The following PCDHA2 variants were observed in gnomAD, a reference collection of about 807,000 sequenced individuals.
The protein encoded by PCDHA2 is protocadherin alpha 2.
In PCDHA2, 58 loss-of-function variants were observed where a neutral mutation model predicts 66.0. That is an observed-to-expected ratio of 0.88 (90% CI 0.71 to 1.09). The LOEUF (loss-of-function observed/expected upper bound fraction) is 1.09. PCDHA2 is among the 50% of genes least tolerant of loss of function. The pLI is 0.00. For missense variants in PCDHA2, 1,267 were observed against 1,242.3 expected, an observed-to-expected ratio of 1.02 and a Z score of -0.30; for synonymous variants, 634 against 554.0, an observed-to-expected ratio of 1.14 and a Z score of -2.03.
rs2150179482 is a variant in PCDHA2, at chr5:140,830,012, G to T, written c.2388+32660G>T. 5.0e-6 allele frequency: 8 copies of T among 1,613,802 alleles called. No individual in the cohort carries two copies. In the Admixed American group the frequency reaches 1.0e-4, roughly 20 times the overall value. ...CACCACTCGTGTCCTGGACGAAGCG[G>T]ACTCTCCGCGCCACCGGCTGCTGGT... On this transcript the variant is annotated intron_variant, in intron 1 of 3. Coordinates refer to ENST00000526136, the MANE Select transcript of PCDHA2 (RefSeq NM_018905.3).
chr5:140,807,343 G>A, intron 1 of PCDHA2: 1 of 1,613,188 alleles, frequency 6.2e-7, no homozygotes, highest in Non-Finnish European at 8.5e-7. Context: ...CGCAGGACCT[G>A]GGACTGGAGC....
chr5:140,837,386 T>C (rs1207161935), intron 1 of PCDHA2, among the ~76,000 whole-genome samples: 1 of 152,036 alleles, frequency 6.6e-6, no homozygotes, highest in Non-Finnish European at 1.5e-5. Context: ...ATTTTGTTCC[T>C]TGTTTGTATA....
Position 140,843,518 on chromosome 5 carries a change from C to G in PCDHA2, c.2388+46166C>G, listed in dbSNP as rs2150361647. On this transcript the variant is annotated intron_variant, in intron 1 of 3. Transcript: ENST00000526136. ...AGCACTGCCCACTGAGGGCGGGTGC[C>G]GGGCGGGCAAGCCCACTCTGGTGTG... 99 of 1,595,534 alleles carry G rather than the reference C, an allele frequency of 6.2e-5. 6 individuals are homozygous for G. The highest frequency in any genetic ancestry group is 1.7e-4 in the Middle Eastern group (1 of 5,992).
At position 140,850,397 on chromosome 5, in the gene PCDHA2, G is replaced by C. The variant is rs143469399; in HGVS notation, c.2388+53045G>C. ...TGTACACGGGCGAGATCAGCACAAC[G>C]CGTGCCCTGGACGAAACGGACGCAC... On this transcript the variant is annotated intron_variant, in intron 1 of 3. Transcript: ENST00000526136. 45 of 1,597,958 alleles carry C rather than the reference G, an allele frequency of 2.8e-5. 5 individuals are homozygous for C. In the African/African-American group the frequency reaches 5.4e-4, roughly 19 times the overall value.
Position 140,795,953 on chromosome 5 carries a change from T to C in PCDHA2, c.989T>C (p.Met330Thr). ...VTATDKGTPS[M>T]SGHCKISLKL... ...GCAACTGACAAAGGAACCCCTTCAA[T>C]GTCAGGACATTGTAAAATTTCATTA... The change falls in exon 1 of 4, where the codon ATG (methionine) becomes ACG (threonine). Residue 330 changes from methionine to threonine, a missense_variant. Met to Thr is a moderately conservative substitution (Grantham distance 81). Transcript: ENST00000526136. 1 of 1,614,144 alleles carries C rather than the reference T, an allele frequency of 6.2e-7. No homozygotes were observed. Among genetic ancestry groups the C allele is most frequent in the South Asian group, 1.1e-5 (1 of 91,080 alleles).
At chr5:140,884,063 G>T in intron 1 of PCDHA2, 1 of 1,613,496 alleles carries the variant, frequency 6.2e-7, no homozygotes, top group Non-Finnish European at 8.5e-7. Context: ...CGCGGTGGAC[G>T]CCGATTCGGG....
At chr5:140,871,140 C>T (rs939950931) in intron 1 of PCDHA2, 2 of 1,613,336 alleles carry the variant, frequency 1.2e-6, no homozygotes, top group Non-Finnish European at 8.5e-7. Context: ...AGGCCTCTTC[C>T]CGGACTTTGG....
At chr5:140,895,115 T>C (rs2064854715) in intron 1 of PCDHA2, among the ~76,000 whole-genome samples, 1 of 152,182 alleles carries the variant, frequency 6.6e-6, no homozygotes, top group Non-Finnish European at 1.5e-5. Flanking sequence ...CAAGAAGACA[T>C]TTGTTAGTTG....
intron 1 of PCDHA2, chr5:140,834,789 A>T: frequency 6.2e-7 from 1 of 1,613,702 alleles, no homozygotes; most frequent in Non-Finnish European, 8.5e-7. Flanking sequence ...GTTCCCAGCG[A>T]CACAAAGGAA....
intron 1 of PCDHA2, among the ~76,000 whole-genome samples, chr5:140,942,273 G>C (rs1360564646): frequency 6.6e-6 from 1 of 152,132 alleles, no homozygotes; most frequent in South Asian, 2.1e-4. Context: ...AGCTGGTAAT[G>C]GTGGCTCATG....
intron 1 of PCDHA2, among the ~76,000 whole-genome samples, chr5:140,906,546 G>A (rs1261080393): frequency 2.0e-5 from 3 of 152,222 alleles, no homozygotes; most frequent in Non-Finnish European, 4.4e-5. Context: ...CCTCATTTCT[G>A]CAACTGGTTG....
chr5:140,920,485 A>G (rs1366888817), intron 1 of PCDHA2, among the ~76,000 whole-genome samples: 3 of 152,164 alleles, frequency 2.0e-5, no homozygotes, highest in Admixed American at 6.5e-5. Context: ...TTTTTGGTCC[A>G]ACAATAGAGT....
chr5:140,966,690 G>T, intron 1 of PCDHA2: 1 of 1,349,568 alleles, frequency 7.4e-7, no homozygotes, highest in Non-Finnish European at 9.5e-7. Context: ...AGCGGAGGCG[G>T]GGCCCGGGCG....
intron 1 of PCDHA2, chr5:140,969,344 T>G: frequency 6.2e-7 from 1 of 1,613,664 alleles, no homozygotes; most frequent in Non-Finnish European, 8.5e-7. Context: ...GAGACAGTGG[T>G]CAGGGGGTCT....
intron 1 of PCDHA2, among the ~76,000 whole-genome samples, chr5:140,819,460 C>A (rs898793780): frequency 6.6e-6 from 1 of 152,056 alleles, no homozygotes; most frequent in Non-Finnish European, 1.5e-5. Context: ...CAAGGAAGAA[C>A]TTCTGTTTAC....
chr5:140,925,503 C>T (rs1210013790), intron 1 of PCDHA2, among the ~76,000 whole-genome samples: 1 of 151,978 alleles, frequency 6.6e-6, no homozygotes, highest in Non-Finnish European at 1.5e-5. Context: ...TCCCAATATC[C>T]ACGCAAAAGA....
Position 140,795,417 on chromosome 5 carries a change from G to T in PCDHA2, c.453G>T (p.Arg151=), listed in dbSNP as rs781852321. 17 of 1,614,014 alleles carry T rather than the reference G, an allele frequency of 1.1e-5. No individual in the cohort carries two copies. The South Asian group carries it at 1.6e-4, about 16-fold the overall frequency. ...RFPESRLLDS[R]FPLEGASDAD... ...CCGAATCAAGGCTGCTTGATTCTCGGTTTCCTCTAGAGGGAGCATCTGATG... is the reference window on the plus strand; with the variant it reads ...CCGAATCAAGGCTGCTTGATTCTCGTTTTCCTCTAGAGGGAGCATCTGATG... The change falls in exon 1 of 4, where the codon CGG becomes CGT. Residue 151 remains arginine, a synonymous_variant. Coordinates refer to ENST00000526136, the MANE Select transcript of PCDHA2 (RefSeq NM_018905.3).
At chr5:140,935,894 CTT>C (rs55841305) in intron 1 of PCDHA2, among the ~76,000 whole-genome samples, 8 of 136,706 alleles carry the variant, frequency 5.9e-5, no homozygotes, top group Non-Finnish European at 3.1e-5. Context: ...TCAATATTAT[CTT>C]TTTTTTTTTT....
chr5:140,954,782 C>T (rs894049284), intron 1 of PCDHA2, among the ~76,000 whole-genome samples: 3 of 152,128 alleles, frequency 2.0e-5, no homozygotes, highest in Non-Finnish European at 4.4e-5. Context: ...TTAATTAGAT[C>T]TCATTTGTCA....
Sources: gnomAD v4.1 joint callset for allele counts (sites outside exome capture counted in the v4.1 genomes callset) on GRCh38, gnomAD v4.1.1 for gene constraint, MANE v1.5 for transcripts, NCBI Gene and HGNC (gene_info 2026-07-23, HGNC 2026-07-21) for gene names.